Variants in NRXN3 observed in about 807,000 individuals in gnomAD.
NRXN3 encodes the protein neurexin III.
A neutral mutation model predicts 137.6 loss-of-function variants in NRXN3; 32 were observed. That is an observed-to-expected ratio of 0.23 (90% CI 0.18 to 0.31). The LOEUF (loss-of-function observed/expected upper bound fraction) is 0.31, where lower values mean the gene tolerates loss of function less well. Ranked by LOEUF, NRXN3 falls within the 10% of genes least tolerant of loss-of-function variation. The probability of loss-of-function intolerance (pLI) is 1.00; values close to 1 mark genes in which losing one functional copy is unlikely to be tolerated. For missense variants in NRXN3, 1,574 were observed against 2,062.5 expected, an observed-to-expected ratio of 0.76 and a Z score of 4.59; for synonymous variants, 798 against 784.5, an observed-to-expected ratio of 1.02 and a Z score of -0.29.
rs139369650 is a variant in NRXN3 at position 79,856,204 on chromosome 14, CTT to C, written c.4094-5137_4094-5136del. 9.6e-3 allele frequency among the ~76,000 whole-genome samples: 1,455 copies of C among 152,232 alleles called. 27 individuals carry two copies. Among genetic ancestry groups the C allele is most frequent in the African/African-American group, 0.033 (1,381 of 41,530 alleles). On this transcript the variant is annotated intron_variant, in intron 20 of 20. Coordinates refer to ENST00000335750, the MANE Select transcript of NRXN3 (RefSeq NM_001330195.2). The stretch of plus-strand genomic sequence containing the variant: ...ATACAAGTTAAGCCTCTTTGAGACA[CTT>C]GAGTTTTTCTACTGTCTTCTCCCCA...
chr14:78,193,023 GA>G (rs1397535145), intron 1 of NRXN3, among the ~76,000 whole-genome samples: 2 of 152,142 alleles, frequency 1.3e-5, no homozygotes, highest in East Asian at 3.9e-4. Context: ...TGGGACCCCA[GA>G]AGGCAAAGAG....
intron 16 of NRXN3, among the ~76,000 whole-genome samples, chr14:79,534,924 A>G (rs2097198629): frequency 6.6e-6 from 1 of 152,204 alleles, no homozygotes; most frequent in South Asian, 2.1e-4. Flanking sequence ...GTGGTCTGAC[A>G]TCCTGTTAAA....
intron 1 of NRXN3, among the ~76,000 whole-genome samples, chr14:78,218,826 A>G (rs1187967587): frequency 1.3e-5 from 2 of 152,140 alleles, no homozygotes; most frequent in Non-Finnish European, 2.9e-5. Flanking sequence ...TATTGGTTTG[A>G]GGGCTGCCAT....
intron 10 of NRXN3, among the ~76,000 whole-genome samples, chr14:78,832,312 G>T (rs986516842): frequency 1.3e-5 from 2 of 152,158 alleles, no homozygotes; most frequent in East Asian, 3.8e-4. Context: ...AAGAAAGAAA[G>T]AAATAATTCC....
At chr14:78,763,687 C>T (rs2098699977) in intron 8 of NRXN3, among the ~76,000 whole-genome samples, 1 of 152,026 alleles carries the variant, frequency 6.6e-6, no homozygotes, top group Non-Finnish European at 1.5e-5. Flanking sequence ...GATGCAGAAA[C>T]ATACGGAGAT....
intron 4 of NRXN3, among the ~76,000 whole-genome samples, chr14:78,378,084 G>T (rs1429023183): frequency 1.3e-5 from 2 of 152,090 alleles, no homozygotes; most frequent in African/African-American, 2.4e-5. Flanking sequence ...TGACCAAAAT[G>T]GAACCAATCT....
At chr14:79,176,339 C>T (rs1336873437) in intron 15 of NRXN3, among the ~76,000 whole-genome samples, 1 of 152,174 alleles carries the variant, frequency 6.6e-6, no homozygotes, top group East Asian at 1.9e-4. Context: ...TTTGTGGAGC[C>T]TGCATGATGT....
At chr14:78,636,485 T>C (rs2097567996) in intron 4 of NRXN3, among the ~76,000 whole-genome samples, 1 of 152,014 alleles carries the variant, frequency 6.6e-6, no homozygotes, top group Non-Finnish European at 1.5e-5. Context: ...ACCAAGCAGA[T>C]GAATCACTGC....
rs138379365 is a variant in NRXN3, at chr14:79,334,566, T to C, written c.3263-132655T>C. 1.2e-3 allele frequency among the ~76,000 whole-genome samples: 181 copies of C among 152,354 alleles called. 1 individual carries two copies. Among genetic ancestry groups the C allele is most frequent in the Admixed American group, 9.5e-3 (146 of 15,304 alleles). On this transcript the variant is annotated intron_variant, in intron 15 of 20. Transcript: ENST00000335750. ...GAGATAACCAGGAGCATATTGTGTA[T>C]GGCCTTGTAGGTGAACAAATGGGCT... is the stretch of plus-strand genomic sequence containing the variant.
chr14:78,203,443 C>A (rs1380864324), intron 1 of NRXN3, among the ~76,000 whole-genome samples: 1 of 152,116 alleles, frequency 6.6e-6, no homozygotes, highest in Admixed American at 6.5e-5. Context: ...TGATCCTAGT[C>A]TTTTTCAGCT....
At position 79,861,779 on chromosome 14, in the gene NRXN3, T is replaced by C; in HGVS notation, c.4531T>C (p.Leu1511=). ...TGTGGCTGCTGCCGCCCTCTGCATC[T>C]TGATCCTCCTGTACGCCATGTACAA... ...GIVAAAALCI[L]ILLYAMYKYR... is the part of the protein sequence containing the mutation. Residue 1511 remains leucine (L), a synonymous_variant, in exon 21 of 21, where the codon TTG becomes CTG. Coordinates refer to ENST00000335750, the MANE Select transcript of NRXN3 (RefSeq NM_001330195.2). This position sits in a 1 kb window ranked among gnomAD's most constrained non-coding sequence, Gnocchi z 5.4. 1 of 1,614,084 alleles carries C rather than the reference T, an allele frequency of 6.2e-7. No individual in the cohort carries two copies. The highest frequency in any genetic ancestry group is 8.5e-7 in the Non-Finnish European group (1 of 1,180,022).
At chr14:79,671,210 T>G (rs1374148783) in intron 17 of NRXN3, among the ~76,000 whole-genome samples, 1 of 152,124 alleles carries the variant, frequency 6.6e-6, no homozygotes, top group Non-Finnish European at 1.5e-5. Context: ...TAGCTTAGTT[T>G]GGGAAATGCT....
intron 6 of NRXN3, among the ~76,000 whole-genome samples, chr14:78,658,792 A>G (rs549242881): frequency 5.9e-5 from 9 of 152,200 alleles, no homozygotes; most frequent in African/African-American, 2.2e-4. Context: ...TGTACGGAAA[A>G]GCACTCTGTG....
chr14:78,429,224 G>A (rs1489351104), intron 4 of NRXN3, among the ~76,000 whole-genome samples: 2 of 141,332 alleles, frequency 1.4e-5, no homozygotes, highest in Non-Finnish European at 3.0e-5. Flanking sequence ...TTAAAAGTGT[G>A]TGCAAACATA....
intron 15 of NRXN3, among the ~76,000 whole-genome samples, chr14:79,177,501 T>C (rs2062463912): frequency 6.6e-6 from 1 of 152,232 alleles, no homozygotes; most frequent in Admixed American, 6.5e-5. Context: ...TAAATTTTTG[T>C]GTCATAAAAT....
intron 10 of NRXN3, among the ~76,000 whole-genome samples, chr14:78,816,540 C>G (rs537467072): frequency 6.6e-6 from 1 of 152,090 alleles, no homozygotes; most frequent in Non-Finnish European, 1.5e-5. Context: ...TAGGGGGGTG[C>G]TATATTTTAT....
intron 15 of NRXN3, among the ~76,000 whole-genome samples, chr14:79,283,818 G>A (rs2081711662): frequency 6.6e-6 from 1 of 152,024 alleles, no homozygotes; most frequent in African/African-American, 2.4e-5. Context: ...TACTGCTGAA[G>A]ATACAGAACC....
intron 15 of NRXN3, among the ~76,000 whole-genome samples, chr14:79,447,588 C>T (rs1483292415): frequency 6.6e-6 from 1 of 152,184 alleles, no homozygotes; most frequent in Non-Finnish European, 1.5e-5. Context: ...CTAGGAAGGA[C>T]CTGCCAACAT....
chr14:78,614,899 G>A, intron 4 of NRXN3: 1 of 454,240 alleles, frequency 2.2e-6, no homozygotes, highest in Non-Finnish European at 4.4e-6. Flanking sequence ...AGCAGCTAGT[G>A]GAACTCTAGG....
Sources: allele counts gnomAD v4.1 joint callset (sites outside exome capture counted in the v4.1 genomes callset), GRCh38; gene constraint gnomAD v4.1.1; non-coding constraint Gnocchi (gnomAD v3.1); transcripts MANE v1.5; gene names NCBI Gene and HGNC (gene_info 2026-07-23, HGNC 2026-07-21).